The following ZNF292 variants were observed in gnomAD, a reference collection of about 807,000 sequenced individuals.
ZNF292 encodes the protein 16 zinc-finger domain protein.
Under a neutral mutation model 217.9 loss-of-function variants are expected in ZNF292, and 26 were observed. The observed-to-expected ratio is 0.12, with a 90% CI of 0.09 to 0.17. ZNF292 has a LOEUF of 0.17. ZNF292 is among the 10% of genes least tolerant of loss of function. The pLI is 1.00. For missense variants in ZNF292, 2,904 were observed against 3,175.2 expected (o/e 0.91, Z 2.05); for synonymous variants, 1,257 against 1,124.1 (o/e 1.12, Z -2.37).
Position 87,265,577 on chromosome 6 carries a change from A to T in ZNF292, c.*3776A>T, listed in dbSNP as rs1290510373. Reference sequence around the variant, plus strand: ...TAAAGACAAAAGTTCTACTGTAAATATGTAAAAAGTTGAAAGGGAATTTTC... The same window carrying T: ...TAAAGACAAAAGTTCTACTGTAAATTTGTAAAAAGTTGAAAGGGAATTTTC... On this transcript the variant is annotated 3_prime_UTR_variant, in exon 8 of 8. Transcript: ENST00000369577. Among the ~76,000 whole-genome samples the T allele has an allele frequency of 6.6e-6, 1 of 152,226 alleles. No individual in the cohort carries two copies. Among genetic ancestry groups the T allele is most frequent in the Non-Finnish European group, 1.5e-5 (1 of 68,036 alleles).
At position 87,247,122 on chromosome 6, in the gene ZNF292, A is replaced by AG. The variant is rs1388659854; in HGVS notation, c.1020+1480dup. ...GTGAGCTGGAGGTTACAGTGAGCCA[A>AG]GGTTATACCACTGCACTCCAGCCTG... On this transcript the variant is annotated intron_variant, in intron 7 of 7. Transcript: ENST00000369577. 9.9e-5 allele frequency among the ~76,000 whole-genome samples: 15 copies of AG among 151,774 alleles called. No individual in the cohort carries two copies. The East Asian group carries it at 2.5e-3, about 26-fold the overall frequency.
chr6:87,254,694 G>C lies in ZNF292; in HGVS notation c.1065G>C (p.Lys355Asn). The change falls in exon 8 of 8, where the codon AAG becomes AAC. Residue 355 changes from lysine (K) to asparagine (N), a missense_variant. Transcript: ENST00000369577. Reference sequence around the variant, plus strand: ...CTACCTGTATAGAACTGTGTGTAAAGGCTCTTCGCTTGGAGTCTACAGAAA... The same window carrying C: ...CTACCTGTATAGAACTGTGTGTAAACGCTCTTCGCTTGGAGTCTACAGAAA... ...GLATCIELCV[K>N]ALRLESTENT... 1 of 1,613,854 alleles carries C rather than the reference G, an allele frequency of 6.2e-7. No homozygotes were observed. The highest frequency in any genetic ancestry group is 8.5e-7 in the Non-Finnish European group (1 of 1,179,790).
rs777118199 is a variant in ZNF292, at chr6:87,216,106, TAGACACACACACACACACAC to T, written c.323+51_323+70del. ...AACTAGATTTAGCTTTAAAAATACA[TAGACACACACACACACACAC>T]ACACACACACACACACACACACACA... On this transcript the variant is annotated intron_variant, in intron 2 of 7. Coordinates refer to ENST00000369577, the MANE Select transcript of ZNF292 (RefSeq NM_015021.3). 1,553 of 951,854 alleles carry T rather than the reference TAGACACACACACACACACAC, an allele frequency of 1.6e-3. 81 individuals are homozygous for T. The highest frequency in any genetic ancestry group is 7.8e-3 in the African/African-American group (377 of 48,164). 59.0% of individuals were successfully genotyped at this position (951,854 alleles called of 1,614,324 possible).
In ZNF292 at chr6:87,261,356, A is replaced by G; in HGVS notation, c.7727A>G (p.Glu2576Gly). Residue 2576 changes from glutamate to glycine, a missense_variant, in exon 8 of 8, where the codon GAG becomes GGG. By Grantham distance (98) the Glu-to-Gly change is moderately conservative. Coordinates refer to ENST00000369577, the MANE Select transcript of ZNF292 (RefSeq NM_015021.3). ...GCTGTTGCCATTCAAACCATTGAGG[A>G]GCATCCTGCATCTTTTGACTGGAGC... ...ETAVAIQTIE[E>G]HPASFDWSSF... 1 of 1,613,388 alleles carries G rather than the reference A, an allele frequency of 6.2e-7. No homozygotes were observed. Among genetic ancestry groups the G allele is most frequent in the Non-Finnish European group, 8.5e-7 (1 of 1,179,644 alleles).
At chr6:87,194,872 T>C (rs990127927) in intron 1 of ZNF292, among the ~76,000 whole-genome samples, 9 of 152,098 alleles carry the variant, frequency 5.9e-5, no homozygotes, top group African/African-American at 2.2e-4. Flanking sequence ...TTGCAGGAAT[T>C]CAGTGCTGGT....
intron 1 of ZNF292, among the ~76,000 whole-genome samples, chr6:87,178,339 A>G (rs570003678): frequency 6.6e-6 from 1 of 152,172 alleles, no homozygotes; most frequent in Non-Finnish European, 1.5e-5. Context: ...GGTGGTTTCA[A>G]TTTTTGGAAG....
chr6:87,197,631 G>A (rs1451183612), intron 1 of ZNF292, among the ~76,000 whole-genome samples: 2 of 150,754 alleles, frequency 1.3e-5, no homozygotes, highest in Non-Finnish European at 1.5e-5. Context: ...TAGCTGCTTG[G>A]GAGGCTGAGG....
chr6:87,199,227 G>A (rs772160919), intron 1 of ZNF292, among the ~76,000 whole-genome samples: 14 of 152,054 alleles, frequency 9.2e-5, no homozygotes, highest in African/African-American at 2.2e-4. Flanking sequence ...AGTTAAATTC[G>A]TATTTCCCTA....
chr6:87,188,080 A>G (rs1771717367), intron 1 of ZNF292, among the ~76,000 whole-genome samples: 1 of 152,198 alleles, frequency 6.6e-6, no homozygotes, highest in African/African-American at 2.4e-5. Flanking sequence ...AAAAGACCCT[A>G]AAAGACTGTA....
chr6:87,177,057 G>A (rs1771325124), intron 1 of ZNF292, among the ~76,000 whole-genome samples: 1 of 152,068 alleles, frequency 6.6e-6, no homozygotes, highest in Non-Finnish European at 1.5e-5. Context: ...GCCAGGCACA[G>A]TGGCTCACAC....
At chr6:87,230,606 C>T (rs1343266976) in intron 4 of ZNF292, among the ~76,000 whole-genome samples, 8 of 151,682 alleles carry the variant, frequency 5.3e-5, no homozygotes, top group Admixed American at 1.3e-4. Context: ...TGGTGGCGGG[C>T]GCCTGTAGTC....
At position 87,258,229 on chromosome 6, in the gene ZNF292, C is replaced by T; in HGVS notation, c.4600C>T (p.Pro1534Ser). ...NATVMPNPTVPPLLHTVCHPN... is the reference protein window; with the variant it reads ...NATVMPNPTVSPLLHTVCHPN... ...AACGGTGATGCCAAATCCAACTGTA[C>T]CACCCCTGTTGCACACTGTATGCCA... Residue 1534 changes from proline (P) to serine (S), a missense_variant, in exon 8 of 8, where the codon CCA becomes TCA. Pro to Ser is a moderately conservative substitution (Grantham distance 74). This residue lies in a region of ZNF292 where 622 missense variants were observed against 573.1 expected (regional missense o/e 1.09). Transcript: ENST00000369577. 6.2e-7 allele frequency: 1 copy of T among 1,612,492 alleles called. No homozygotes were observed. Among genetic ancestry groups the T allele is most frequent in the South Asian group, 1.1e-5 (1 of 90,800 alleles).
At position 87,260,652 on chromosome 6, in the gene ZNF292, A is replaced by G. The variant is rs973499289; in HGVS notation, c.7023A>G (p.Leu2341=). Residue 2341 remains leucine (L), a synonymous_variant, in exon 8 of 8, where the codon TTA becomes TTG. Transcript: ENST00000369577. The part of the protein sequence containing the change: ...PKTKRKKKNN[L]ENKNAKIVQI... ...CCAAACGAAAGAAAAAAAATAATTT[A>G]GAAAACAAGAATGCAAAGATTGTGC... 6.2e-7 allele frequency: 1 copy of G among 1,612,454 alleles called. No individual in the cohort carries two copies. Among genetic ancestry groups the G allele is most frequent in the Middle Eastern group, 1.7e-4 (1 of 6,052 alleles).
intron 1 of ZNF292, among the ~76,000 whole-genome samples, chr6:87,165,154 T>C (rs16878570): frequency 0.081 from 12,405 of 152,218 alleles, 859 homozygotes; most frequent in African/African-American, 0.19. Flanking sequence ...TTGTATAGTC[T>C]AATAATGACA....
chr6:87,196,788 G>A (rs1313701364), intron 1 of ZNF292, among the ~76,000 whole-genome samples: 2 of 152,170 alleles, frequency 1.3e-5, no homozygotes, highest in Non-Finnish European at 2.9e-5. Flanking sequence ...CTGAGAGACT[G>A]CGTATTTAGT....
chr6:87,160,528 G>T (rs1770703060), intron 1 of ZNF292, among the ~76,000 whole-genome samples: 2 of 146,714 alleles, frequency 1.4e-5, no homozygotes, highest in East Asian at 2.0e-4. Flanking sequence ...TATATGCAAG[G>T]ACCTAGGTTT....
intron 1 of ZNF292, 67 bp downstream of exon 1, chr6:87,155,826 A>G (rs983464013): frequency 3.4e-6 from 5 of 1,467,470 alleles, no homozygotes; most frequent in Non-Finnish European, 4.5e-6. Context: ...AGCGAGCGCT[A>G]GGCGGCCGAG....
Position 87,262,930 on chromosome 6 carries a change from T to G in ZNF292, c.*1129T>G, listed in dbSNP as rs901932541. ...TTGTGTTTATAAAATACAAGAGTCC[T>G]TAACATTTATAATTACATAGATAAA... On this transcript the variant is annotated 3_prime_UTR_variant, in exon 8 of 8. Transcript: ENST00000369577. 1 of 152,048 alleles carries G rather than the reference T, an allele frequency of 6.6e-6. No individual in the cohort carries two copies. Among genetic ancestry groups the G allele is most frequent in the East Asian group, 1.9e-4 (1 of 5,198 alleles). 9.4% of individuals were successfully genotyped at this position (152,048 alleles called of 1,614,324 possible). A position where few individuals can be genotyped will look rare whatever the true frequency, so the allele number is the denominator to read the frequency against.
chr6:87,227,884 T>A (rs1422716424), intron 4 of ZNF292, among the ~76,000 whole-genome samples: 3 of 152,212 alleles, frequency 2.0e-5, no homozygotes, highest in Non-Finnish European at 4.4e-5. Context: ...TTGGTTATTG[T>A]GAGTAGTGCT....
Sources: gnomAD v4.1 joint callset for allele counts (sites outside exome capture counted in the v4.1 genomes callset) on GRCh38, gnomAD v4.1.1 for gene constraint, gnomAD v4.1.1 regional missense constraint, MANE v1.5 for transcripts, NCBI Gene and HGNC (gene_info 2026-07-23, HGNC 2026-07-21) for gene names.